The following NYAP2 variants were observed in gnomAD, a reference collection of about 807,000 sequenced individuals.
NYAP2 encodes neuronal tyrosine-phosphorylated phosphoinositide-3-kinase adapter 2.
In NYAP2, 23 loss-of-function variants were observed where a neutral mutation model predicts 50.4. The ratio of observed to expected loss-of-function variants is 0.46; its 90% confidence interval spans 0.33 to 0.65. The LOEUF is 0.65. Ranked by LOEUF, NYAP2 falls within the 30% of genes least tolerant of loss-of-function variation. The probability of loss-of-function intolerance (pLI) is 0.02; values close to 1 mark genes in which losing one functional copy is unlikely to be tolerated. For missense variants in NYAP2, 885 were observed against 861.0 expected, an observed-to-expected ratio of 1.03 and a Z score of -0.35; for synonymous variants, 394 against 365.2, an observed-to-expected ratio of 1.08 and a Z score of -0.90.
At chr2:225,525,383 G>T (rs187667186) in intron 4 of NYAP2, among the ~76,000 whole-genome samples, 1 of 152,254 alleles carries the variant, frequency 6.6e-6, no homozygotes, top group East Asian at 1.9e-4. Flanking sequence ...TCCATCAATG[G>T]AGGATTGAAT....
chr2:225,478,555 A>T (rs558130839), intron 3 of NYAP2, among the ~76,000 whole-genome samples: 1 of 152,352 alleles, frequency 6.6e-6, no homozygotes, highest in Non-Finnish European at 1.5e-5. Flanking sequence ...CAGGTTTGCC[A>T]GAACCAAATC....
chr2:225,601,521 G>C (rs1190214298), intron 5 of NYAP2, among the ~76,000 whole-genome samples: 1 of 152,148 alleles, frequency 6.6e-6, no homozygotes, highest in Non-Finnish European at 1.5e-5. Context: ...ATGCACAAAA[G>C]TTCTAATTTT....
intron 5 of NYAP2, among the ~76,000 whole-genome samples, chr2:225,586,050 C>A (rs1692384643): frequency 6.6e-6 from 1 of 152,146 alleles, no homozygotes; most frequent in Non-Finnish European, 1.5e-5. Context: ...AAACTGATAT[C>A]TCTATTTTCC....
intron 5 of NYAP2, among the ~76,000 whole-genome samples, chr2:225,622,458 G>A (rs1164718770): frequency 2.0e-5 from 3 of 151,778 alleles, no homozygotes; most frequent in Non-Finnish European, 4.4e-5. Flanking sequence ...TGACTCTAAA[G>A]GTTGTAATTG....
At chr2:225,638,429 A>T (rs1693465430) in intron 6 of NYAP2, among the ~76,000 whole-genome samples, 1 of 152,112 alleles carries the variant, frequency 6.6e-6, no homozygotes, top group East Asian at 1.9e-4. Flanking sequence ...GTTGCTTAGC[A>T]AGTAACTGTT....
At chr2:225,597,512 A>AATATATATATATATATATATAT in intron 5 of NYAP2, among the ~76,000 whole-genome samples, 616 of 46,024 alleles carry the variant, frequency 0.013, 126 homozygotes, top group African/African-American at 0.021. Context: ...TCCAAGGAGA[A>AATATATATATATATATATATAT]ATATATATAT....
chr2:225,524,544 G>T (rs906365655), intron 4 of NYAP2, among the ~76,000 whole-genome samples: 2 of 152,046 alleles, frequency 1.3e-5, no homozygotes, highest in African/African-American at 4.8e-5. Context: ...TTGACACTCA[G>T]TATTAACCAT....
intron 4 of NYAP2, among the ~76,000 whole-genome samples, chr2:225,515,666 G>A (rs936355829): frequency 1.3e-5 from 2 of 152,146 alleles, no homozygotes; most frequent in African/African-American, 4.8e-5. Context: ...CCTACCATTT[G>A]TAAATTTTAA....
At chr2:225,496,894 C>T (rs1235872943) in intron 3 of NYAP2, among the ~76,000 whole-genome samples, 1 of 152,256 alleles carries the variant, frequency 6.6e-6, no homozygotes, top group African/African-American at 2.4e-5. Flanking sequence ...AACTAAGATA[C>T]TGCCTCCATT....
Position 225,457,779 on chromosome 2 carries a change from G to A in NYAP2, c.221+48678G>A, listed in dbSNP as rs1689762643. On this transcript the variant is annotated intron_variant, in intron 3 of 6. Transcript: ENST00000636099. The stretch of plus-strand genomic sequence containing the variant: ...GTTAATCAAGACCAAAGGTCATGTG[G>A]CAGGCAGGTAGGAAAAAGATAGTGC... 2.0e-5 allele frequency among the ~76,000 whole-genome samples: 3 copies of A among 152,200 alleles called. No individual in the cohort carries two copies. The South Asian group carries it at 6.2e-4, about 32-fold the overall frequency.
intron 5 of NYAP2, among the ~76,000 whole-genome samples, chr2:225,595,688 A>G (rs1284556945): frequency 1.3e-5 from 2 of 152,200 alleles, no homozygotes; most frequent in East Asian, 1.9e-4. Flanking sequence ...TCATTTTGGC[A>G]TCTGAACCAA....
At chr2:225,500,348 T>C (rs148062033) in intron 3 of NYAP2, among the ~76,000 whole-genome samples, 211 of 152,368 alleles carry the variant, frequency 1.4e-3, no homozygotes, top group Non-Finnish European at 2.5e-3. Context: ...TGAATTGATA[T>C]GAAAGATGAA....
At chr2:225,503,873 T>G (rs1025686610) in intron 3 of NYAP2, among the ~76,000 whole-genome samples, 16 of 152,200 alleles carry the variant, frequency 1.1e-4, no homozygotes, top group Non-Finnish European at 2.1e-4. Context: ...TTTTCTTGAC[T>G]TTTTCTTTTT....
chr2:225,406,960 T>G (rs1694952087), intron 2 of NYAP2, among the ~76,000 whole-genome samples: 1 of 152,028 alleles, frequency 6.6e-6, no homozygotes, highest in Non-Finnish European at 1.5e-5. Flanking sequence ...TAATAATGCC[T>G]TATTCAATTG....
At chr2:225,690,209 T>G in the NYAP2 span, among the ~76,000 whole-genome samples, 1 of 152,160 alleles carries the variant, frequency 6.6e-6, no homozygotes, top group African/African-American at 2.4e-5. Flanking sequence ...GTGTTGCCTC[T>G]ATATGTTTCC....
chr2:225,529,380 G>A (rs1054499233), intron 4 of NYAP2, among the ~76,000 whole-genome samples: 1 of 152,126 alleles, frequency 6.6e-6, no homozygotes, highest in Non-Finnish European at 1.5e-5. Flanking sequence ...CTGGAGTGAA[G>A]TGGCATGATC....
At chr2:225,429,134 T>C (rs1695327679) in intron 3 of NYAP2, among the ~76,000 whole-genome samples, 1 of 151,768 alleles carries the variant, frequency 6.6e-6, no homozygotes, top group African/African-American at 2.4e-5. Context: ...AGAACAGTTA[T>C]GAAAAAGGAA....
At chr2:225,551,172 C>T (rs1208110397) in intron 4 of NYAP2, among the ~76,000 whole-genome samples, 1 of 152,162 alleles carries the variant, frequency 6.6e-6, no homozygotes, top group Non-Finnish European at 1.5e-5. Context: ...ACTTTAGTGA[C>T]CCCTAGTGAA....
chr2:225,600,873 T>A (rs1574702740), intron 5 of NYAP2, among the ~76,000 whole-genome samples: 2 of 152,346 alleles, frequency 1.3e-5, no homozygotes, highest in South Asian at 4.1e-4. Context: ...CACCCGTGCA[T>A]ATTGCAGGAT....
Sources: gnomAD v4.1 joint callset for allele counts (sites outside exome capture counted in the v4.1 genomes callset) on GRCh38, gnomAD v4.1.1 for gene constraint, MANE v1.5 for transcripts, NCBI Gene and HGNC (gene_info 2026-07-23, HGNC 2026-07-21) for gene names.